CYP27C1: variants seen among roughly 807,000 people sequenced by gnomAD.
CYP27C1 encodes cytochrome P450 family 27 subfamily C member 1.
Under a neutral mutation model 40.6 loss-of-function variants are expected in CYP27C1, and 29 were observed. The ratio of observed to expected loss-of-function variants is 0.71; its 90% CI spans 0.53 to 0.97. The LOEUF (loss-of-function observed/expected upper bound fraction) is 0.97, where lower values mean the gene tolerates loss of function less well. Among genes scored for constraint, CYP27C1 ranks in the 50% least tolerant of loss-of-function variants. The pLI is 0.00. For missense variants in CYP27C1, 390 were observed against 485.8 expected, an observed-to-expected ratio of 0.80 and a Z score of 1.85; for synonymous variants, 198 against 186.8, an observed-to-expected ratio of 1.06 and a Z score of -0.49.
At position 127,209,327 on chromosome 2, in the gene CYP27C1, C is replaced by T. The variant is rs1289209105; in HGVS notation, c.283-3237G>A. The stretch of plus-strand genomic sequence containing the variant: ...ACAACAACAGCATTGATAACAACAA[C>T]AAAAAAAGGCCCCCACAAAAACCCC... On this transcript the variant is annotated intron_variant, in intron 1 of 8. Coordinates refer to ENST00000664447, the MANE Select transcript of CYP27C1 (RefSeq NM_001367502.1). This position sits in a 1 kb window ranked among gnomAD's most constrained non-coding sequence, Gnocchi z 4.1. Among the ~76,000 whole-genome samples, 1 of 151,984 alleles carries T rather than the reference C, an allele frequency of 6.6e-6. No individual in the cohort carries two copies. The highest frequency in any genetic ancestry group is 2.4e-5 in the African/African-American group (1 of 41,380).
chr2:127,195,288 G>A lies in CYP27C1; in HGVS notation c.1214+47C>T. 2.5e-6 allele frequency: 4 copies of A among 1,611,038 alleles called. No individual in the cohort carries two copies. Among genetic ancestry groups the A allele is most frequent in the Non-Finnish European group, 3.4e-6 (4 of 1,178,218 alleles). ...AGGACTTGTTGTGATAGAGAACCAG[G>A]GACCTAAGGGACACAGTTTGTTGAC... On this transcript the variant is annotated intron_variant, in intron 6 of 8. Coordinates refer to ENST00000664447, the MANE Select transcript of CYP27C1 (RefSeq NM_001367502.1). This position sits in a 1 kb window ranked among gnomAD's most constrained non-coding sequence, Gnocchi z 6.2.
At position 127,195,798 on chromosome 2, in the gene CYP27C1, T is replaced by G. The variant is rs1259403450; in HGVS notation, c.1048-297A>C. Among the ~76,000 whole-genome samples, 5 of 152,192 alleles carry G rather than the reference T, an allele frequency of 3.3e-5. No homozygotes were observed. The highest frequency in any genetic ancestry group is 5.9e-5 in the Non-Finnish European group (4 of 68,034). On this transcript the variant is annotated intron_variant, in intron 5 of 8. Transcript: ENST00000664447. The surrounding 1 kb of genome is among the most constrained non-coding windows in gnomAD (Gnocchi z 6.2). ...TGATCCTGGAGCTTTTTTTAATCAC[T>G]GAAGAGCAATATGTCAGGGATGCCG...
chr2:127,193,425 C>G, intron 7 of CYP27C1, 128 bp from the exon 8 acceptor site: 1 of 1,023,758 alleles, frequency 9.8e-7, no homozygotes, highest in South Asian at 1.5e-5. Flanking sequence ...GGTCCACTCA[C>G]ACCCAGGATG....
chr2:127,218,607 G>A lies in CYP27C1; in HGVS notation c.282+1382C>T, dbSNP rs1558936040. Reference sequence around the variant, plus strand: ...CTCGCACGCCCGTTTTTCCATTAATGAGGGTTGGGGCTTCTCCCTCACGTT... The same window carrying A: ...CTCGCACGCCCGTTTTTCCATTAATAAGGGTTGGGGCTTCTCCCTCACGTT... On this transcript the variant is annotated intron_variant, in intron 1 of 8. Coordinates refer to ENST00000664447, the MANE Select transcript of CYP27C1 (RefSeq NM_001367502.1). This position sits in a 1 kb window ranked among gnomAD's most constrained non-coding sequence, Gnocchi z 6.0. 6.6e-6 allele frequency among the ~76,000 whole-genome samples: 1 copy of A among 152,180 alleles called. No individual in the cohort carries two copies. The highest frequency in any genetic ancestry group is 1.5e-5 in the Non-Finnish European group (1 of 68,034).
chr2:127,198,372 G>T (rs929040521), intron 5 of CYP27C1, among the ~76,000 whole-genome samples: 2 of 152,116 alleles, frequency 1.3e-5, no homozygotes, highest in Non-Finnish European at 2.9e-5. Context: ...TATTTTAAAT[G>T]ATAACTAATA....
chr2:127,200,433 G>A lies in CYP27C1; in HGVS notation c.883+689C>T, dbSNP rs2104685640. Among the ~76,000 whole-genome samples, 1 of 152,232 alleles carries A rather than the reference G, an allele frequency of 6.6e-6. No individual in the cohort carries two copies. ...GTCACATAAGAAAACAAATCTCTTT[G>A]TAATCTCACCTTGGATTTGAACAAA... is the stretch of plus-strand genomic sequence containing the variant. On this transcript the variant is annotated intron_variant, in intron 4 of 8. Transcript: ENST00000664447. This position sits in a 1 kb window ranked among gnomAD's most constrained non-coding sequence, Gnocchi z 4.2.
intron 8 of CYP27C1, 89 bp from the exon 9 acceptor site, chr2:127,187,476 G>C: frequency 8.7e-7 from 1 of 1,148,238 alleles, no homozygotes; most frequent in Non-Finnish European, 1.3e-6. Context: ...TCCTGTGGCG[G>C]CACTGGGCTG....
At position 127,193,308 on chromosome 2, in the gene CYP27C1, C is replaced by G. The variant is rs776128464; in HGVS notation, c.1294-11G>C. The stretch of plus-strand genomic sequence containing the variant: ...AAGGGCCAGCTGGGTCTGAGGAAAT[C>G]AGGGATGACAGAAAAGGGAAAAGGG... On this transcript the variant is annotated splice_polypyrimidine_tract_variant and intron_variant, in intron 7 of 8. Transcript: ENST00000664447. 11 of 1,613,970 alleles carry G rather than the reference C, an allele frequency of 6.8e-6. No individual in the cohort carries two copies. The East Asian group carries it at 2.2e-4, about 33-fold the overall frequency.
At chr2:127,202,904 C>T (rs1299492482) in intron 3 of CYP27C1, among the ~76,000 whole-genome samples, 1 of 152,162 alleles carries the variant, frequency 6.6e-6, no homozygotes, top group African/African-American at 2.4e-5. Flanking sequence ...TGCAGTGGCT[C>T]ATGCCTGTAA....
chr2:127,218,861 G>A lies in CYP27C1; in HGVS notation c.282+1128C>T, dbSNP rs1031495345. On this transcript the variant is annotated intron_variant, in intron 1 of 8. Transcript: ENST00000664447. This position sits in a 1 kb window ranked among gnomAD's most constrained non-coding sequence, Gnocchi z 6.0. The stretch of plus-strand genomic sequence containing the variant: ...GAGGCGGACGATGGGCGAAGGCATC[G>A]GAGGGCGCCGCCGCGGCTCGGGTGC... Among the ~76,000 whole-genome samples the A allele has an allele frequency of 7.9e-5, 12 of 152,232 alleles. No homozygotes were observed. Among genetic ancestry groups the A allele is most frequent in the South Asian group, 2.1e-4 (1 of 4,836 alleles).
rs1013534195 is a variant in CYP27C1, at chr2:127,205,990, C to T, written c.383G>A (p.Arg128Gln). The change falls in exon 2 of 9, where the codon CGG becomes CAG. Residue 128 changes from arginine to glutamine, a missense_variant. Arg to Gln is a conservative substitution (Grantham distance 43). Transcript: ENST00000664447. ...ADRDMVAQVL[R>Q]AEGAAPQRAN... is the part of the protein sequence containing the mutation. ...TCTCTGGGGCGCAGCGCCCTCCGCCCGGAGCACCTGAGCCACCATATCGCG... is the reference window on the plus strand; with the variant it reads ...TCTCTGGGGCGCAGCGCCCTCCGCCTGGAGCACCTGAGCCACCATATCGCG... Among the ~76,000 whole-genome samples, 6 of 152,342 alleles carry T rather than the reference C, an allele frequency of 3.9e-5. No individual in the cohort carries two copies. The South Asian group carries it at 1.2e-3, about 32-fold the overall frequency.
rs1365859194 is a variant in CYP27C1, at chr2:127,208,660, C to T, written c.283-2570G>A. Among the ~76,000 whole-genome samples the T allele has an allele frequency of 6.6e-6, 1 of 152,220 alleles. No individual in the cohort carries two copies. The highest frequency in any genetic ancestry group is 6.5e-5 in the Admixed American group (1 of 15,292). On this transcript the variant is annotated intron_variant, in intron 1 of 8. Transcript: ENST00000664447. This position sits in a 1 kb window ranked among gnomAD's most constrained non-coding sequence, Gnocchi z 5.2. ...TCTATAGCTCCAGGCTGCACTTTTC[C>T]CCTGCTGGAGCCAGGGAGGCTGGAT...
chr2:127,204,559 A>AG (rs1558931398), intron 2 of CYP27C1, among the ~76,000 whole-genome samples: 248 of 36,408 alleles, frequency 6.8e-3, no homozygotes, highest in Middle Eastern at 0.018. Flanking sequence ...GAGAGAGAGA[A>AG]AGAAAGAAAG....
chr2:127,198,859 C>T (rs950390496), intron 5 of CYP27C1, among the ~76,000 whole-genome samples: 30 of 152,234 alleles, frequency 2.0e-4, no homozygotes, highest in African/African-American at 6.8e-4. Context: ...CCCAACAACG[C>T]ATTTCTCAGA....
At chr2:127,203,253 C>A in intron 3 of CYP27C1, 119 bp downstream of exon 3, 1 of 1,102,926 alleles carries the variant, frequency 9.1e-7, no homozygotes, top group South Asian at 1.6e-5. Context: ...AGGTGACATG[C>A]ATGTATGTCC....
chr2:127,189,422 G>A (rs1573889250), intron 8 of CYP27C1, among the ~76,000 whole-genome samples: 1 of 152,014 alleles, frequency 6.6e-6, no homozygotes, highest in Non-Finnish European at 1.5e-5. Flanking sequence ...ATGGACACAG[G>A]GAGGGGAACA....
Position 127,192,291 on chromosome 2 carries a change from C to T in CYP27C1, c.1497+803G>A, listed in dbSNP as rs552548719. ...CCACATTCTCCAAATGTTCAGGCAA[C>T]GATGGAGCTCCCAAACTTCGGGCCA... On this transcript the variant is annotated intron_variant, in intron 8 of 8. Transcript: ENST00000664447. Among the ~76,000 whole-genome samples the T allele has an allele frequency of 9.2e-5, 14 of 152,296 alleles. No homozygotes were observed. In the South Asian group the frequency reaches 2.1e-3, roughly 23 times the overall value.
chr2:127,194,443 C>T (rs1682856783), intron 6 of CYP27C1, among the ~76,000 whole-genome samples: 1 of 152,026 alleles, frequency 6.6e-6, no homozygotes, highest in Non-Finnish European at 1.5e-5. Flanking sequence ...TGCTTTTTGT[C>T]GCAGCATTTC....
At chr2:127,202,308 T>C (rs1428423369) in intron 3 of CYP27C1, among the ~76,000 whole-genome samples, 1 of 152,144 alleles carries the variant, frequency 6.6e-6, no homozygotes, top group Non-Finnish European at 1.5e-5. Context: ...GTATTTTTAG[T>C]AGAGACAGGG....
Sources: allele counts gnomAD v4.1 joint callset (sites outside exome capture counted in the v4.1 genomes callset), GRCh38; gene constraint gnomAD v4.1.1; non-coding constraint Gnocchi (gnomAD v3.1); transcripts MANE v1.5; gene names NCBI Gene and HGNC (gene_info 2026-07-23, HGNC 2026-07-21).